The following KLHDC1 variants were observed in gnomAD, a reference collection of about 807,000 sequenced individuals.
KLHDC1 encodes kelch domain-containing protein 1.
A neutral mutation model predicts 68.3 loss-of-function variants in KLHDC1; 53 were observed. The observed-to-expected ratio is 0.78, with a 90% CI of 0.62 to 0.98. The LOEUF is 0.98. Ranked by LOEUF, KLHDC1 falls within the 50% of genes least tolerant of loss-of-function variation. The pLI is 0.00. For synonymous variants in KLHDC1, 148 were observed against 159.0 expected, an observed-to-expected ratio of 0.93 and a Z score of 0.52; for missense variants, 470 against 492.3, an observed-to-expected ratio of 0.95 and a Z score of 0.43.
intron 12 of KLHDC1, among the ~76,000 whole-genome samples, chr14:49,745,065 G>A (rs1263997677): frequency 6.6e-6 from 1 of 152,136 alleles, no homozygotes; most frequent in Non-Finnish European, 1.5e-5. Context: ...GTTGCCCAGT[G>A]AACAAGTGTG....
chr14:49,740,150 G>A lies in KLHDC1; in HGVS notation c.949G>A (p.Gly317Arg), dbSNP rs370328450. Residue 317 changes from glycine to arginine, a missense_variant, in exon 11 of 13, where the codon GGG (glycine) becomes AGG (arginine). Physicochemically the swap from Gly to Arg is moderately radical, Grantham distance 125 (BLOSUM62 -2). Transcript: ENST00000359332. ...GKENEIMVFG[G>R]SKDDLLALDT... ...AGAAAATGAAATAATGGTATTTGGT[G>A]GGAGCAAAGATGACTTACTTGCCTT... 3.7e-6 allele frequency: 6 copies of A among 1,610,876 alleles called. No homozygotes were observed. The highest frequency in any genetic ancestry group is 1.1e-5 in the South Asian group (1 of 90,870).
At chr14:49,749,025 T>A (rs1260422572) in intron 12 of KLHDC1, among the ~76,000 whole-genome samples, 2 of 152,064 alleles carry the variant, frequency 1.3e-5, no homozygotes, top group Non-Finnish European at 2.9e-5. Context: ...GGTCTCGAAC[T>A]CCTGACCTCA....
intron 6 of KLHDC1, among the ~76,000 whole-genome samples, chr14:49,726,902 G>C (rs554210284): frequency 6.6e-6 from 1 of 152,084 alleles, no homozygotes; most frequent in Non-Finnish European, 1.5e-5. Flanking sequence ...TATGGTCCTG[G>C]TTACACACAC....
intron 12 of KLHDC1, among the ~76,000 whole-genome samples, chr14:49,746,481 C>T (rs1026637770): frequency 6.6e-6 from 1 of 151,960 alleles, no homozygotes; most frequent in Non-Finnish European, 1.5e-5. Context: ...AATGGTAGCA[C>T]AAAAACCAAG....
chr14:49,722,678 A>G (rs1398583667), intron 4 of KLHDC1, among the ~76,000 whole-genome samples: 1 of 152,202 alleles, frequency 6.6e-6, no homozygotes, highest in East Asian at 1.9e-4. Flanking sequence ...GGTTTATTGG[A>G]CTTACAGTTC....
chr14:49,720,232 T>C (rs1366979285), intron 4 of KLHDC1, among the ~76,000 whole-genome samples: 1 of 151,972 alleles, frequency 6.6e-6, no homozygotes, highest in Non-Finnish European at 1.5e-5. Context: ...GTGATCCGCC[T>C]GCCTTGGCAT....
intron 4 of KLHDC1, among the ~76,000 whole-genome samples, chr14:49,720,763 T>C (rs1398190348): frequency 6.6e-6 from 1 of 152,208 alleles, no homozygotes; most frequent in East Asian, 1.9e-4. Flanking sequence ...TCCCATTCTT[T>C]CCTTTTCTTT....
chr14:49,740,115 G>C lies in KLHDC1; in HGVS notation c.914G>C (p.Cys305Ser), dbSNP rs367848070. ...AATCATAGGTTATGGCACACAGCCT[G>C]TTTGGGAAAAGAAAATGAAATAATG... is the stretch of plus-strand genomic sequence containing the variant. ...KTRPRLWHTA[C>S]LGKENEIMVF... The change falls in exon 11 of 13, where the codon TGT (cysteine) becomes TCT (serine). Residue 305 changes from cysteine to serine, a missense_variant. Coordinates refer to ENST00000359332, the MANE Select transcript of KLHDC1 (RefSeq NM_172193.3). 59 of 1,610,498 alleles carry C rather than the reference G, an allele frequency of 3.7e-5. No homozygotes were observed. Among genetic ancestry groups the C allele is most frequent in the Non-Finnish European group, 4.8e-5 (56 of 1,177,170 alleles).
chr14:49,705,242 G>A (rs967711670), intron 1 of KLHDC1, among the ~76,000 whole-genome samples: 4 of 151,786 alleles, frequency 2.6e-5, no homozygotes, highest in Non-Finnish European at 5.9e-5. Flanking sequence ...AAGTTTCGAG[G>A]GATAGCAGCT....
intron 1 of KLHDC1, chr14:49,707,646 CTTTTTTT>C (rs368932553): frequency 1.1e-5 from 1 of 90,952 alleles, no homozygotes; most frequent in Non-Finnish European, 1.9e-5. Flanking sequence ...ACACCTGGCC[CTTTTTTT>C]TTTTTTTTTT....
At position 49,703,298 on chromosome 14, in the gene KLHDC1, A is replaced by G. The variant is rs372247450; in HGVS notation, c.97-5861A>G. Among the ~76,000 whole-genome samples, 17 of 151,812 alleles carry G rather than the reference A, an allele frequency of 1.1e-4. No individual in the cohort carries two copies. In the East Asian group the frequency reaches 2.3e-3, roughly 21 times the overall value. On this transcript the variant is annotated intron_variant, in intron 1 of 12. Transcript: ENST00000359332. ...TTTTACTTCACATACATCTCTAAAC[A>G]ATATATTATTTGGTTTTGAATCATA...
chr14:49,732,243 G>A (rs958068925), intron 8 of KLHDC1, among the ~76,000 whole-genome samples: 30 of 151,884 alleles, frequency 2.0e-4, no homozygotes, highest in Non-Finnish European at 3.4e-4. Context: ...TGCAATCTTG[G>A]CTCACTGCAA....
intron 5 of KLHDC1, among the ~76,000 whole-genome samples, chr14:49,725,172 T>C (rs1219617879): frequency 6.6e-6 from 1 of 152,178 alleles, no homozygotes; most frequent in Non-Finnish European, 1.5e-5. Flanking sequence ...TGCTAAGTCT[T>C]TTCTTTGCTG....
At chr14:49,748,312 A>G (rs897849430) in intron 12 of KLHDC1, among the ~76,000 whole-genome samples, 5 of 152,232 alleles carry the variant, frequency 3.3e-5, no homozygotes, top group African/African-American at 1.2e-4. Context: ...AAGTGAGACT[A>G]CAGACACTGG....
intron 10 of KLHDC1, among the ~76,000 whole-genome samples, chr14:49,735,313 C>A (rs1414989262): frequency 6.6e-6 from 1 of 151,820 alleles, no homozygotes; most frequent in Non-Finnish European, 1.5e-5. Flanking sequence ...TCAGATTCAG[C>A]ACATTATGAT....
chr14:49,700,030 C>CT (rs544505001), intron 1 of KLHDC1: 6,240 of 309,142 alleles, frequency 0.02, 1 homozygote, highest in South Asian at 0.034. Flanking sequence ...TGCTGTGAAC[C>CT]TTTTTTTTTT....
chr14:49,720,881 G>A (rs1246325696), intron 4 of KLHDC1, among the ~76,000 whole-genome samples: 2 of 152,088 alleles, frequency 1.3e-5, no homozygotes, highest in African/African-American at 4.8e-5. Context: ...TTCCAGGAAG[G>A]AAATTTTTTT....
At chr14:49,706,180 C>T (rs1342266807) in intron 1 of KLHDC1, among the ~76,000 whole-genome samples, 1 of 152,178 alleles carries the variant, frequency 6.6e-6, no homozygotes, top group African/African-American at 2.4e-5. Context: ...TCTGCTTTCT[C>T]TCTCCATGAG....
At chr14:49,719,773 C>A (rs533578114) in intron 4 of KLHDC1, among the ~76,000 whole-genome samples, 3 of 151,688 alleles carry the variant, frequency 2.0e-5, no homozygotes, top group African/African-American at 7.2e-5. Flanking sequence ...ATTTTTCTTT[C>A]TCTTTTTTCT....
Sources: allele counts gnomAD v4.1 joint callset (sites outside exome capture counted in the v4.1 genomes callset), GRCh38; gene constraint gnomAD v4.1.1; transcripts MANE v1.5; gene names NCBI Gene and HGNC (gene_info 2026-07-23, HGNC 2026-07-21).